PELI2: variants seen among roughly 807,000 people sequenced by gnomAD.
PELI2 encodes the protein E3 ubiquitin-protein ligase pellino homolog 2.
In PELI2, 23 loss-of-function variants were observed where a neutral mutation model predicts 42.3. The ratio of observed to expected loss-of-function variants is 0.54; its 90% CI spans 0.39 to 0.77. PELI2 has a LOEUF of 0.77. Ranked by LOEUF, PELI2 falls within the 30% of genes least tolerant of loss-of-function variation. PELI2 has a pLI of 0.00. For missense variants in PELI2, 463 were observed against 553.2 expected (o/e 0.84, Z 1.64); for synonymous variants, 245 against 212.2 (o/e 1.15, Z -1.34).
chr14:56,140,925 T>C (rs183462940), intron 1 of PELI2, among the ~76,000 whole-genome samples: 10 of 152,306 alleles, frequency 6.6e-5, no homozygotes, highest in Non-Finnish European at 7.3e-5. Flanking sequence ...GGCCTGGGCA[T>C]GGGGTTGCTG....
At chr14:56,239,739 C>T (rs1047981488) in intron 2 of PELI2, among the ~76,000 whole-genome samples, 16 of 152,130 alleles carry the variant, frequency 1.1e-4, no homozygotes, top group African/African-American at 3.6e-4. Context: ...CACGACCCCT[C>T]AAAGCACTGG....
chr14:56,288,498 A>C lies in PELI2; in HGVS notation c.371A>C (p.Gln124Pro). The C allele has an allele frequency of 6.2e-7, 1 of 1,614,170 alleles. No homozygotes were observed. The highest frequency in any genetic ancestry group is 8.5e-7 in the Non-Finnish European group (1 of 1,180,000). Residue 124 changes from glutamine (Q) to proline (P), a missense_variant, in exon 4 of 6, where the codon CAG (glutamine) becomes CCG (proline). By Grantham distance (76) the Gln-to-Pro change is moderately conservative. This residue lies in a region of PELI2 where 343 missense variants were observed against 378.4 expected (regional missense o/e 0.91). Coordinates refer to ENST00000267460, the MANE Select transcript of PELI2 (RefSeq NM_021255.3). This position sits in a 1 kb window ranked among gnomAD's most constrained non-coding sequence, Gnocchi z 4.6. Reference sequence around the variant, plus strand: ...GTCACAGACACGATTTCTGGCAGCCAGAACACGGACGAAGCCCAGATCACA... The same window carrying C: ...GTCACAGACACGATTTCTGGCAGCCCGAACACGGACGAAGCCCAGATCACA... ...FVVTDTISGS[Q>P]NTDEAQITQS...
At chr14:56,254,915 G>A (rs1888474318) in intron 2 of PELI2, among the ~76,000 whole-genome samples, 1 of 152,210 alleles carries the variant, frequency 6.6e-6, no homozygotes, top group Non-Finnish European at 1.5e-5. Context: ...TCAGAGAAAT[G>A]CAAATCAAAA....
intron 2 of PELI2, among the ~76,000 whole-genome samples, chr14:56,190,486 C>T (rs1290546751): frequency 6.6e-6 from 1 of 152,142 alleles, no homozygotes; most frequent in Non-Finnish European, 1.5e-5. Flanking sequence ...AGTCAAGTAA[C>T]AGGACATTAT....
At chr14:56,272,660 G>C (rs770414475) in intron 2 of PELI2, among the ~76,000 whole-genome samples, 5 of 152,184 alleles carry the variant, frequency 3.3e-5, no homozygotes, top group Admixed American at 6.5e-5. Context: ...ACTTTTTGTA[G>C]TCTATAATCA....
intron 2 of PELI2, among the ~76,000 whole-genome samples, chr14:56,189,247 C>T (rs1885875700): frequency 1.3e-5 from 2 of 152,188 alleles, no homozygotes; most frequent in Non-Finnish European, 2.9e-5. Flanking sequence ...AGTGAGTTGA[C>T]AGCAATAAAG....
chr14:56,224,580 T>C (rs1887272137), intron 2 of PELI2, among the ~76,000 whole-genome samples: 1 of 152,230 alleles, frequency 6.6e-6, no homozygotes. Context: ...TATCTTTCTC[T>C]CCTTTTAGAA....
intron 1 of PELI2, among the ~76,000 whole-genome samples, chr14:56,124,956 T>C (rs373620613): frequency 1.3e-4 from 20 of 152,250 alleles, no homozygotes; most frequent in East Asian, 7.7e-4. Context: ...TGGAAGGGGT[T>C]TGGACTTTAC....
At chr14:56,225,386 T>C (rs753739812) in intron 2 of PELI2, among the ~76,000 whole-genome samples, 6 of 151,570 alleles carry the variant, frequency 4.0e-5, no homozygotes, top group Non-Finnish European at 7.4e-5. Flanking sequence ...CTACCAGGAG[T>C]GATGCGACCA....
chr14:56,298,743 T>A lies in PELI2; in HGVS notation c.*1577T>A, dbSNP rs908068045. 1.3e-5 allele frequency: 2 copies of A among 152,700 alleles called. No individual in the cohort carries two copies. The highest frequency in any genetic ancestry group is 4.8e-5 in the African/African-American group (2 of 41,482). The allele number at this position is 152,700 out of a possible 1,614,324, so 9.5% of individuals were successfully genotyped here. A position where few individuals can be genotyped will look rare whatever the true frequency, so the allele number is the denominator to read the frequency against. ...TAATATTACTCTTGATTGCTGCTGCTTAATTTGATGTAATATGTTTAAAGT... is the reference window on the plus strand; with the variant it reads ...TAATATTACTCTTGATTGCTGCTGCATAATTTGATGTAATATGTTTAAAGT... On this transcript the variant is annotated 3_prime_UTR_variant, in exon 6 of 6. Transcript: ENST00000267460.
chr14:56,266,148 A>G (rs1286251728), intron 2 of PELI2, among the ~76,000 whole-genome samples: 1 of 152,112 alleles, frequency 6.6e-6, no homozygotes, highest in Admixed American at 6.5e-5. Flanking sequence ...TAAAGCCAAA[A>G]TCATAGAAAT....
At chr14:56,206,526 G>A (rs1235459628) in intron 2 of PELI2, among the ~76,000 whole-genome samples, 1 of 121,074 alleles carries the variant, frequency 8.3e-6, no homozygotes, top group East Asian at 2.3e-4. Context: ...TCTTAAAAAT[G>A]TGTTATTTCT....
intron 4 of PELI2, among the ~76,000 whole-genome samples, chr14:56,289,175 G>GA (rs746123909): frequency 1.4e-4 from 21 of 152,064 alleles, no homozygotes; most frequent in African/African-American, 1.2e-4. Flanking sequence ...ATTTTTGCAG[G>GA]AAAAAACCCA....
At chr14:56,187,178 A>G (rs886376602) in intron 2 of PELI2, among the ~76,000 whole-genome samples, 2 of 152,314 alleles carry the variant, frequency 1.3e-5, no homozygotes, top group Admixed American at 6.5e-5. Context: ...ATTCTGAAGG[A>G]TAAGACCAAA....
At chr14:56,281,693 A>G (rs1331597379) in intron 3 of PELI2, among the ~76,000 whole-genome samples, 1 of 152,178 alleles carries the variant, frequency 6.6e-6, no homozygotes, top group African/African-American at 2.4e-5. Context: ...CAAATATATA[A>G]GGTACTCTTG....
At chr14:56,169,282 GTCCTTCTGGCC>G (rs1885082902) in intron 1 of PELI2, among the ~76,000 whole-genome samples, 1 of 152,174 alleles carries the variant, frequency 6.6e-6, no homozygotes, top group South Asian at 2.1e-4. Context: ...AAGAGATGCA[GTCCTTCTGGCC>G]TCGACTGCCC....
intron 5 of PELI2, among the ~76,000 whole-genome samples, chr14:56,290,940 C>G (rs1415880088): frequency 6.6e-6 from 1 of 152,166 alleles, no homozygotes; most frequent in African/African-American, 2.4e-5. Flanking sequence ...TACTGTCCAC[C>G]AAAATCATAG....
intron 2 of PELI2, among the ~76,000 whole-genome samples, chr14:56,217,410 A>C (rs1360562005): frequency 6.6e-6 from 1 of 152,210 alleles, no homozygotes; most frequent in Non-Finnish European, 1.5e-5. Flanking sequence ...GAGACCATTA[A>C]TCTCACAGAG....
At chr14:56,279,557 G>T (rs1889405101) in intron 2 of PELI2, 119 bp from the exon 3 acceptor site, 3 of 525,110 alleles carry the variant, frequency 5.7e-6, no homozygotes, top group Non-Finnish European at 1.0e-5. Flanking sequence ...ACCTGACTGT[G>T]TGGAAAATGC....
Sources: allele counts gnomAD v4.1 joint callset (sites outside exome capture counted in the v4.1 genomes callset), GRCh38; gene constraint gnomAD v4.1.1; regional missense constraint gnomAD v4.1.1; non-coding constraint Gnocchi (gnomAD v3.1); transcripts MANE v1.5; gene names NCBI Gene and HGNC (gene_info 2026-07-23, HGNC 2026-07-21).